Variants in RIMS1 observed in about 807,000 individuals in gnomAD.
RIMS1 encodes regulating synaptic membrane exocytosis 1.
A neutral mutation model predicts 214.1 loss-of-function variants in RIMS1; 83 were observed. That is an observed-to-expected ratio of 0.39 (90% confidence interval 0.32 to 0.47). The LOEUF (loss-of-function observed/expected upper bound fraction) is 0.47, where lower values mean the gene tolerates loss of function less well. RIMS1 is among the 20% of genes least tolerant of loss of function. The pLI, the probability that RIMS1 is intolerant of heterozygous loss-of-function variation, is 0.99. For missense variants in RIMS1, 2,050 were observed against 2,161.8 expected, an observed-to-expected ratio of 0.95 and a Z score of 1.03; for synonymous variants, 793 against 786.8, an observed-to-expected ratio of 1.01 and a Z score of -0.13.
intron 2 of RIMS1, among the ~76,000 whole-genome samples, chr6:72,082,130 A>G (rs1388645832): frequency 6.6e-6 from 1 of 152,196 alleles, no homozygotes; most frequent in African/African-American, 2.4e-5. Flanking sequence ...TCAGCTATTC[A>G]ACTTAAGCTT....
At chr6:72,373,640 A>G (rs983040964) in intron 29 of RIMS1, among the ~76,000 whole-genome samples, 1 of 152,166 alleles carries the variant, frequency 6.6e-6, no homozygotes, top group African/African-American at 2.4e-5. Context: ...TTCTTATCTC[A>G]CATTTTGTTA....
At chr6:72,162,702 G>A (rs1458344211) in intron 4 of RIMS1, among the ~76,000 whole-genome samples, 2 of 140,628 alleles carry the variant, frequency 1.4e-5, no homozygotes, top group African/African-American at 4.9e-5. Flanking sequence ...CTTTAAGAAT[G>A]TTGAATATTG....
intron 23 of RIMS1, among the ~76,000 whole-genome samples, chr6:72,283,651 C>T (rs1591870928): frequency 1.3e-5 from 2 of 152,118 alleles, no homozygotes; most frequent in East Asian, 3.8e-4. Context: ...CATTTCACCC[C>T]TTTGAAGCCT....
chr6:72,358,862 AC>A (rs1374985035), intron 29 of RIMS1, among the ~76,000 whole-genome samples: 1 of 152,170 alleles, frequency 6.6e-6, no homozygotes, highest in African/African-American at 2.4e-5. Context: ...CCTAGGTGCT[AC>A]CTAAGTCCAT....
chr6:72,237,453 CTGCT>C (rs1285467207), intron 8 of RIMS1, among the ~76,000 whole-genome samples: 1 of 151,794 alleles, frequency 6.6e-6, no homozygotes, highest in African/African-American at 2.4e-5. Flanking sequence ...GGCAGGAGGA[CTGCT>C]TGAGCCCGGG....
At chr6:72,398,540 G>A (rs1263258648) in intron 32 of RIMS1, among the ~76,000 whole-genome samples, 190 bp downstream of exon 32, 1 of 152,124 alleles carries the variant, frequency 6.6e-6, no homozygotes, top group African/African-American at 2.4e-5. Flanking sequence ...TCTTTCAGAA[G>A]GTGTTAGGAA....
At chr6:72,061,538 C>T (rs1215038682) in intron 2 of RIMS1, among the ~76,000 whole-genome samples, 1 of 152,220 alleles carries the variant, frequency 6.6e-6, no homozygotes, top group Non-Finnish European at 1.5e-5. Flanking sequence ...GCATTACGCG[C>T]TTTCTGACTT....
intron 23 of RIMS1, among the ~76,000 whole-genome samples, chr6:72,277,032 A>G (rs1189617498): frequency 1.6e-4 from 25 of 152,230 alleles, no homozygotes; most frequent in Admixed American, 1.6e-3. Flanking sequence ...ATCTTCTATC[A>G]GGGCCATAGT....
At position 72,159,732 on chromosome 6, in the gene RIMS1, C is replaced by G. The variant is rs1430302635; in HGVS notation, c.472-19843C>G. Among the ~76,000 whole-genome samples the G allele has an allele frequency of 1.4e-5, 2 of 139,946 alleles. 1 individual carries two copies. Among genetic ancestry groups the G allele is most frequent in the Non-Finnish European group, 3.2e-5 (2 of 61,682 alleles). 91.8% of individuals were successfully genotyped at this position (139,946 alleles called of 152,430 possible). A position where few individuals can be genotyped will look rare whatever the true frequency, so the allele number is the denominator to read the frequency against. ...CAGCATTATTTCTGAGGGCTCTGTT[C>G]TGTTCCATTGATCTATATCTCTGTT... On this transcript the variant is annotated intron_variant, in intron 4 of 33. Coordinates refer to ENST00000521978, the MANE Select transcript of RIMS1 (RefSeq NM_014989.7).
intron 4 of RIMS1, among the ~76,000 whole-genome samples, chr6:72,172,918 A>G (rs2047219748): frequency 6.6e-6 from 1 of 152,154 alleles, no homozygotes; most frequent in Non-Finnish European, 1.5e-5. Flanking sequence ...GGTTTCAAAG[A>G]GGGCTCTTCA....
intron 22 of RIMS1, chr6:72,266,289 G>C (rs1393136703): frequency 1.9e-6 from 1 of 534,894 alleles, no homozygotes; most frequent in Non-Finnish European, 3.4e-6. Flanking sequence ...GGTGTAATTT[G>C]TAACTGCTTC....
At chr6:72,308,988 T>TA (rs1477959789) in intron 27 of RIMS1, among the ~76,000 whole-genome samples, 1 of 152,164 alleles carries the variant, frequency 6.6e-6, no homozygotes, top group East Asian at 1.9e-4. Flanking sequence ...TGGATGCAGT[T>TA]ATTTGAAAGT....
intron 29 of RIMS1, among the ~76,000 whole-genome samples, chr6:72,377,333 A>G (rs1264269345): frequency 1.3e-5 from 2 of 152,194 alleles, no homozygotes; most frequent in African/African-American, 4.8e-5. Context: ...AGTAAACCCT[A>G]GAAAGACATC....
intron 29 of RIMS1, among the ~76,000 whole-genome samples, chr6:72,336,711 C>G (rs2096856335): frequency 6.6e-6 from 1 of 151,726 alleles, no homozygotes; most frequent in African/African-American, 2.4e-5. Context: ...ATTTGATAGC[C>G]TATCCTTAGA....
At chr6:72,072,592 A>G (rs1347792657) in intron 2 of RIMS1, among the ~76,000 whole-genome samples, 1 of 152,184 alleles carries the variant, frequency 6.6e-6, no homozygotes, top group Admixed American at 6.6e-5. Context: ...TTGCTAGAAC[A>G]ACATTCATTT....
At chr6:72,228,481 A>G (rs923924108) in intron 6 of RIMS1, among the ~76,000 whole-genome samples, 1 of 151,836 alleles carries the variant, frequency 6.6e-6, no homozygotes, top group Non-Finnish European at 1.5e-5. Flanking sequence ...AGTTTCATCC[A>G]TGTTGTCAAA....
At chr6:72,088,571 T>A (rs2153788965) in intron 2 of RIMS1, among the ~76,000 whole-genome samples, 1 of 152,306 alleles carries the variant, frequency 6.6e-6, no homozygotes, top group Non-Finnish European at 1.5e-5. Flanking sequence ...TGAAATTTCA[T>A]GTTTGTTCTT....
chr6:72,057,695 G>A (rs1432209454), intron 2 of RIMS1, among the ~76,000 whole-genome samples: 1 of 151,952 alleles, frequency 6.6e-6, no homozygotes, highest in Non-Finnish European at 1.5e-5. Flanking sequence ...TTTCAGTAGA[G>A]ACAGGGTTTC....
chr6:71,926,571 C>A (rs550215238), intron 1 of RIMS1, among the ~76,000 whole-genome samples: 1 of 152,098 alleles, frequency 6.6e-6, no homozygotes, highest in East Asian at 1.9e-4. Flanking sequence ...TACAAACAAA[C>A]CCAAACTTGT....
Sources: gnomAD v4.1 joint callset for allele counts (sites outside exome capture counted in the v4.1 genomes callset) on GRCh38, gnomAD v4.1.1 for gene constraint, MANE v1.5 for transcripts, NCBI Gene and HGNC (gene_info 2026-07-23, HGNC 2026-07-21) for gene names.